Variants in CSMD1 observed in about 807,000 individuals in gnomAD.
The protein encoded by CSMD1 is CUB and Sushi multiple domains 1, also known as CUB and sushi domain-containing protein 1.
Under a neutral mutation model 417.5 loss-of-function variants are expected in CSMD1, and 213 were observed. That is an observed-to-expected ratio of 0.51 (90% CI 0.46 to 0.57). The LOEUF (loss-of-function observed/expected upper bound fraction) is 0.57. Among genes scored for constraint, CSMD1 ranks in the 20% least tolerant of loss-of-function variants. The pLI, the probability that CSMD1 is intolerant of heterozygous loss-of-function variation, is 0.00. For missense variants in CSMD1, 6,923 were observed against 4,529.7 expected (o/e 1.53, Z -15.17); for synonymous variants, 2,862 against 1,736.8 (o/e 1.65, Z -16.11).
intron 7 of CSMD1, among the ~76,000 whole-genome samples, chr8:3,671,519 A>AGT (rs1799045249): frequency 5.8e-5 from 1 of 17,314 alleles, no homozygotes; most frequent in African/African-American, 3.1e-4. Context: ...ATATGATCAT[A>AGT]TATATGATCA....
At chr8:2,968,854 T>C (rs1277646448) in intron 57 of CSMD1, among the ~76,000 whole-genome samples, 1 of 152,182 alleles carries the variant, frequency 6.6e-6, no homozygotes, top group Non-Finnish European at 1.5e-5. Context: ...TTATTTTCTT[T>C]TGAAATATGC....
chr8:3,402,308 T>C (rs1433756934), intron 15 of CSMD1, among the ~76,000 whole-genome samples: 1 of 152,212 alleles, frequency 6.6e-6, no homozygotes, highest in Non-Finnish European at 1.5e-5. Context: ...TTTATACTTT[T>C]TATGTGAGTC....
At chr8:4,457,279 T>C (rs1438959515) in intron 2 of CSMD1, among the ~76,000 whole-genome samples, 1 of 152,170 alleles carries the variant, frequency 6.6e-6, no homozygotes, top group Non-Finnish European at 1.5e-5. Flanking sequence ...TACTTACATA[T>C]ATCATTTGAA....
chr8:4,759,664 G>A (rs955703895), intron 1 of CSMD1, among the ~76,000 whole-genome samples: 1 of 152,118 alleles, frequency 6.6e-6, no homozygotes, highest in Non-Finnish European at 1.5e-5. Flanking sequence ...AATATGTGGT[G>A]TTTGGTTTTC....
chr8:3,414,003 G>C (rs939459307), intron 12 of CSMD1, among the ~76,000 whole-genome samples: 4 of 151,768 alleles, frequency 2.6e-5, no homozygotes, highest in African/African-American at 9.7e-5. Flanking sequence ...GCCGGGAATG[G>C]TGGTGCACGC....
intron 1 of CSMD1, among the ~76,000 whole-genome samples, chr8:4,801,106 G>C (rs547771890): frequency 1.3e-5 from 2 of 152,078 alleles, no homozygotes; most frequent in Non-Finnish European, 2.9e-5. Context: ...CCAAAATAAA[G>C]AAAAGAAAAA....
chr8:2,952,146 T>C (rs1349851043), intron 65 of CSMD1, among the ~76,000 whole-genome samples: 1 of 152,224 alleles, frequency 6.6e-6, no homozygotes, highest in African/African-American at 2.4e-5. Flanking sequence ...CACATGATGA[T>C]TTCAGCATTA....
At chr8:3,904,461 A>G (rs1440340900) in intron 5 of CSMD1, among the ~76,000 whole-genome samples, 2 of 152,152 alleles carry the variant, frequency 1.3e-5, no homozygotes, top group Admixed American at 6.5e-5. Flanking sequence ...AGATTTCAGT[A>G]AATGCACATT....
intron 5 of CSMD1, among the ~76,000 whole-genome samples, chr8:3,954,290 G>C (rs2930382): frequency 6.6e-6 from 1 of 152,092 alleles, no homozygotes; most frequent in Non-Finnish European, 1.5e-5. Context: ...AGGAAGGTGC[G>C]CTTGGGAGAG....
chr8:4,450,308 C>T (rs147784376), intron 2 of CSMD1, among the ~76,000 whole-genome samples: 1 of 152,276 alleles, frequency 6.6e-6, no homozygotes, highest in Non-Finnish European at 1.5e-5. Flanking sequence ...TGCTGCAACT[C>T]AGAGTATTTT....
chr8:4,730,975 T>C (rs1809816496), intron 1 of CSMD1, among the ~76,000 whole-genome samples: 1 of 152,104 alleles, frequency 6.6e-6, no homozygotes, highest in Non-Finnish European at 1.5e-5. Flanking sequence ...TTTACTCATT[T>C]AGGAAGGCTT....
At chr8:4,518,275 C>A (rs1210751092) in intron 2 of CSMD1, among the ~76,000 whole-genome samples, 2 of 152,086 alleles carry the variant, frequency 1.3e-5, no homozygotes, top group Non-Finnish European at 2.9e-5. Context: ...CAGCATCCGA[C>A]GCCCAGCAGC....
chr8:4,964,468 G>A (rs530944023), intron 1 of CSMD1, among the ~76,000 whole-genome samples: 6 of 119,686 alleles, frequency 5.0e-5, no homozygotes, highest in East Asian at 2.7e-4. Flanking sequence ...GCAGTGAAAC[G>A]TGATCCCATC....
chr8:3,723,512 G>T (rs1802305441), intron 6 of CSMD1, among the ~76,000 whole-genome samples: 1 of 152,030 alleles, frequency 6.6e-6, no homozygotes, highest in South Asian at 2.1e-4. Context: ...ATCATAGTTG[G>T]GCATTTAGTC....
At chr8:4,509,669 T>C (rs938345054) in intron 2 of CSMD1, among the ~76,000 whole-genome samples, 10 of 152,166 alleles carry the variant, frequency 6.6e-5, no homozygotes, top group African/African-American at 1.9e-4. Context: ...AAGTCCATAA[T>C]AATAATCACA....
At chr8:3,980,227 T>C (rs902705511) in intron 5 of CSMD1, among the ~76,000 whole-genome samples, 11 of 152,222 alleles carry the variant, frequency 7.2e-5, no homozygotes, top group Admixed American at 2.0e-4. Flanking sequence ...TTATCAACCA[T>C]TGGCATAGAT....
chr8:4,148,681 C>A (rs908087060), intron 3 of CSMD1, among the ~76,000 whole-genome samples: 2 of 152,086 alleles, frequency 1.3e-5, no homozygotes, highest in South Asian at 4.1e-4. Flanking sequence ...CCTCGTGTCT[C>A]TTCTAGTAAG....
intron 3 of CSMD1, among the ~76,000 whole-genome samples, chr8:4,243,034 G>A (rs1301161934): frequency 1.3e-5 from 2 of 152,152 alleles, no homozygotes; most frequent in African/African-American, 4.8e-5. Flanking sequence ...AATGGCAGAG[G>A]TTTTATCTGA....
intron 5 of CSMD1, among the ~76,000 whole-genome samples, chr8:3,984,751 ATT>A (rs1491313911): frequency 0.017 from 996 of 60,078 alleles, 50 homozygotes; most frequent in Non-Finnish European, 0.02. Context: ...ATATATATAT[ATT>A]TGTATGTATT....
Sources: allele counts gnomAD v4.1 joint callset (sites outside exome capture counted in the v4.1 genomes callset), GRCh38; gene constraint gnomAD v4.1.1; transcripts MANE v1.5; gene names NCBI Gene and HGNC (gene_info 2026-07-23, HGNC 2026-07-21).